The following IMMP2L variants were observed in gnomAD, a reference collection of about 807,000 sequenced individuals.
IMMP2L encodes mitochondrial inner membrane protease subunit 2.
In IMMP2L, 18 loss-of-function variants were observed where a neutral mutation model predicts 19.3. The observed-to-expected ratio is 0.93, with a 90% CI of 0.64 to 1.38. IMMP2L has a LOEUF of 1.38. IMMP2L is among the 40% of genes most tolerant of loss of function. The probability of loss-of-function intolerance (pLI) is 0.00; values close to 1 mark genes in which losing one functional copy is unlikely to be tolerated. For synonymous variants in IMMP2L, 76 were observed against 73.0 expected (o/e 1.04, Z -0.21); for missense variants, 233 against 218.2 (o/e 1.07, Z -0.43).
At chr7:111,207,439 A>G (rs1299160050) in intron 3 of IMMP2L, among the ~76,000 whole-genome samples, 2 of 152,032 alleles carry the variant, frequency 1.3e-5, no homozygotes, top group Non-Finnish European at 2.9e-5. Flanking sequence ...TCATTCCCAG[A>G]CTTCAAATAC....
chr7:111,122,903 G>C, intron 3 of IMMP2L: 1 of 1,614,038 alleles, frequency 6.2e-7, no homozygotes, highest in South Asian at 1.1e-5. Flanking sequence ...TTTACACCCA[G>C]ATCCATTTAT....
At chr7:110,832,982 A>G (rs1804105287) in intron 5 of IMMP2L, among the ~76,000 whole-genome samples, 1 of 152,192 alleles carries the variant, frequency 6.6e-6, no homozygotes, top group South Asian at 2.1e-4. Flanking sequence ...TCTACTGGTG[A>G]TCAGTAATGC....
chr7:110,812,652 G>C (rs1562991755), intron 5 of IMMP2L, among the ~76,000 whole-genome samples: 1 of 152,006 alleles, frequency 6.6e-6, no homozygotes, highest in Non-Finnish European at 1.5e-5. Flanking sequence ...TGGGACTGAA[G>C]TCTCAATTGT....
At chr7:111,026,058 A>C (rs551230775) in intron 3 of IMMP2L, among the ~76,000 whole-genome samples, 4 of 152,212 alleles carry the variant, frequency 2.6e-5, no homozygotes, top group South Asian at 2.1e-4. Flanking sequence ...AAATGTGAAA[A>C]CAGAAGAATT....
intron 5 of IMMP2L, among the ~76,000 whole-genome samples, chr7:110,872,693 C>T (rs1228549476): frequency 6.6e-6 from 1 of 152,100 alleles, no homozygotes; most frequent in East Asian, 1.9e-4. Context: ...CAAGCTAGGC[C>T]AATCATAGTC....
At chr7:111,354,877 G>C (rs148562849) in intron 3 of IMMP2L, among the ~76,000 whole-genome samples, 337 of 151,870 alleles carry the variant, frequency 2.2e-3, no homozygotes, top group African/African-American at 7.0e-3. Flanking sequence ...AAGAAGTTCT[G>C]AAAAATGAAG....
chr7:111,121,186 C>A (rs755957443), intron 3 of IMMP2L, among the ~76,000 whole-genome samples: 17 of 152,170 alleles, frequency 1.1e-4, no homozygotes, highest in African/African-American at 1.7e-4. Context: ...ATCCTTCGCC[C>A]ACTTTTTGAT....
chr7:111,370,042 CAT>C (rs1385426160), intron 3 of IMMP2L, among the ~76,000 whole-genome samples: 1 of 151,948 alleles, frequency 6.6e-6, no homozygotes, highest in African/African-American at 2.4e-5. Context: ...GAAAAGGTGA[CAT>C]ATTAAAATTT....
Position 111,541,788 on chromosome 7 carries a change from A to C in IMMP2L, c.-3+20063T>G, listed in dbSNP as rs150567227. On this transcript the variant is annotated intron_variant, in intron 1 of 5. Coordinates refer to ENST00000405709, the MANE Select transcript of IMMP2L (RefSeq NM_032549.4). Reference sequence around the variant, plus strand: ...TAATATCTACCAGTTTTGAAAAATAAAGTTTCTCAGAACCTAATGTAGCTT... The same window carrying C: ...TAATATCTACCAGTTTTGAAAAATACAGTTTCTCAGAACCTAATGTAGCTT... 2.1e-3 allele frequency among the ~76,000 whole-genome samples: 324 copies of C among 152,266 alleles called. 3 individuals are homozygous for C. The highest frequency in any genetic ancestry group is 7.4e-3 in the African/African-American group (307 of 41,574).
chr7:110,869,864 G>A (rs1808367926), intron 5 of IMMP2L, among the ~76,000 whole-genome samples: 1 of 152,210 alleles, frequency 6.6e-6, no homozygotes, highest in South Asian at 2.1e-4. Context: ...TCTTCCCATG[G>A]AGATAGTTTT....
chr7:111,314,670 C>T (rs1334272943), intron 3 of IMMP2L, among the ~76,000 whole-genome samples: 2 of 152,116 alleles, frequency 1.3e-5, no homozygotes, highest in African/African-American at 4.8e-5. Flanking sequence ...AGTTCTCCTC[C>T]TCCTTCTCTA....
At chr7:111,307,486 C>T (rs1823006052) in intron 3 of IMMP2L, among the ~76,000 whole-genome samples, 1 of 151,660 alleles carries the variant, frequency 6.6e-6, no homozygotes, top group East Asian at 1.9e-4. Context: ...TGATTATCTA[C>T]CTCGCAGTAG....
At chr7:110,831,490 A>G (rs1426924881) in intron 5 of IMMP2L, among the ~76,000 whole-genome samples, 1 of 152,140 alleles carries the variant, frequency 6.6e-6, no homozygotes, top group East Asian at 1.9e-4. Flanking sequence ...TTTCTACCAT[A>G]TGGTAATAAC....
intron 3 of IMMP2L, among the ~76,000 whole-genome samples, chr7:111,282,842 C>A (rs1295953250): frequency 6.6e-6 from 1 of 152,110 alleles, no homozygotes; most frequent in African/African-American, 2.4e-5. Flanking sequence ...CTCGGCCTCC[C>A]TAAGTGCTGG....
At chr7:110,876,929 A>G (rs1451423203) in intron 5 of IMMP2L, among the ~76,000 whole-genome samples, 1 of 152,182 alleles carries the variant, frequency 6.6e-6, no homozygotes, top group Non-Finnish European at 1.5e-5. Flanking sequence ...AGACATAATC[A>G]GTCCTAAACT....
Position 111,224,019 on chromosome 7 carries a change from G to A in IMMP2L, c.240-260454C>T, listed in dbSNP as rs556432422. ...AAAGAAAGAACACTATACACAAGAG[G>A]AAACTGAATATAGAAAACAGAGCAT... On this transcript the variant is annotated intron_variant, in intron 3 of 5. Coordinates refer to ENST00000405709, the MANE Select transcript of IMMP2L (RefSeq NM_032549.4). Among the ~76,000 whole-genome samples the A allele has an allele frequency of 1.1e-4, 16 of 152,170 alleles. No individual in the cohort carries two copies. In the East Asian group the frequency reaches 2.9e-3, roughly 28 times the overall value.
chr7:110,902,533 A>G (rs1422509499), intron 4 of IMMP2L, among the ~76,000 whole-genome samples: 1 of 149,824 alleles, frequency 6.7e-6, no homozygotes, highest in African/African-American at 2.5e-5. Context: ...AAAAACCCTG[A>G]GTTCTTTGGT....
intron 5 of IMMP2L, chr7:110,724,265 T>A (rs1795753821): frequency 2.0e-5 from 3 of 152,342 alleles, no homozygotes; most frequent in South Asian, 4.1e-4. Context: ...TGTGGCTTTC[T>A]ACCTGAAATA....
chr7:111,009,043 A>G (rs1824623591), intron 3 of IMMP2L, among the ~76,000 whole-genome samples: 4 of 152,026 alleles, frequency 2.6e-5, no homozygotes, highest in Admixed American at 1.3e-4. Flanking sequence ...CACAGTCAGT[A>G]TTTGCTTCAT....
Sources: allele counts gnomAD v4.1 joint callset (sites outside exome capture counted in the v4.1 genomes callset), GRCh38; gene constraint gnomAD v4.1.1; transcripts MANE v1.5; gene names NCBI Gene and HGNC (gene_info 2026-07-23, HGNC 2026-07-21).